The following WWOX variants were observed in gnomAD, a reference collection of about 807,000 sequenced individuals.
WWOX encodes WW domain-containing oxidoreductase.
A neutral mutation model predicts 46.2 loss-of-function variants in WWOX; 69 were observed. The observed-to-expected ratio is 1.49, with a 90% confidence interval of 1.23 to 1.82. The LOEUF (loss-of-function observed/expected upper bound fraction) is 1.82, where lower values mean the gene tolerates loss of function less well. Among genes scored for constraint, WWOX ranks in the 40% most tolerant of loss-of-function variants. The pLI, the probability that WWOX is intolerant of heterozygous loss-of-function variation, is 0.00. For missense variants in WWOX, 919 were observed against 542.6 expected (o/e 1.69, Z -6.89); for synonymous variants, 359 against 202.6 (o/e 1.77, Z -6.56).
intron 8 of WWOX, among the ~76,000 whole-genome samples, chr16:79,090,840 C>G (rs2048944973): frequency 1.3e-5 from 2 of 152,166 alleles, no homozygotes; most frequent in Admixed American, 6.5e-5. Context: ...TTTGAGACAT[C>G]TGGAGTGCAG....
intron 8 of WWOX, among the ~76,000 whole-genome samples, chr16:79,105,764 G>A (rs528118278): frequency 6.6e-6 from 1 of 151,886 alleles, no homozygotes; most frequent in Admixed American, 6.6e-5. Context: ...CTGGATGCCA[G>A]CAATCCTCCC....
intron 5 of WWOX, among the ~76,000 whole-genome samples, chr16:78,218,927 G>A (rs1404433388): frequency 2.6e-5 from 4 of 152,218 alleles, no homozygotes; most frequent in Admixed American, 6.5e-5. Flanking sequence ...TGGATTTATC[G>A]TTGCAATTAG....
chr16:78,356,177 A>C (rs145865833), intron 5 of WWOX, among the ~76,000 whole-genome samples: 3,115 of 149,822 alleles, frequency 0.021, 93 homozygotes, highest in African/African-American at 0.066. Flanking sequence ...ACAGAGCGAG[A>C]CTCTGTCTCA....
At chr16:79,179,065 G>A (rs1249491603) in intron 8 of WWOX, among the ~76,000 whole-genome samples, 1 of 152,154 alleles carries the variant, frequency 6.6e-6, no homozygotes, top group East Asian at 1.9e-4. Flanking sequence ...TGAGCCTGGA[G>A]GTCAAGAGTT....
intron 5 of WWOX, among the ~76,000 whole-genome samples, chr16:78,364,622 C>G (rs905191990): frequency 1.8e-4 from 27 of 148,174 alleles, no homozygotes; most frequent in African/African-American, 6.8e-4. Context: ...TTTGTCGTGA[C>G]TGCAGCTGAC....
rs571066730 is a variant in WWOX at position 78,734,927 on chromosome 16, G to C, written c.1056+302175G>C. ...GTTGGCTAGGCTGGAGTGCAGTGAC[G>C]CAATCTCAGCTCACTACAACCTCAG... is the stretch of plus-strand genomic sequence containing the variant. On this transcript the variant is annotated intron_variant, in intron 8 of 8. Transcript: ENST00000566780. Among the ~76,000 whole-genome samples the C allele has an allele frequency of 3.3e-5, 4 of 122,288 alleles. No homozygotes were observed. In the South Asian group the frequency reaches 8.8e-4, roughly 27 times the overall value. The allele number at this position is 122,288 out of a possible 152,430, so 80.2% of individuals were successfully genotyped here.
Position 78,894,041 on chromosome 16 carries a change from A to ATTATTATTG in WWOX, c.1057-317559_1057-317558insGTTATTATT, listed in dbSNP as rs1555561436. On this transcript the variant is annotated intron_variant, in intron 8 of 8. Coordinates refer to ENST00000566780, the MANE Select transcript of WWOX (RefSeq NM_016373.4). ...GGCTTTTATTATTATTATTATTATT[A>ATTATTATTG]TTATTATTATATTTTGAGACAGGGT... 3.7e-3 allele frequency among the ~76,000 whole-genome samples: 549 copies of ATTATTATTG among 146,814 alleles called. 6 individuals carry two copies. Among genetic ancestry groups the ATTATTATTG allele is most frequent in the Non-Finnish European group, 5.2e-3 (351 of 66,940 alleles).
At chr16:78,146,535 C>G (rs759608555) in intron 4 of WWOX, among the ~76,000 whole-genome samples, 4 of 152,114 alleles carry the variant, frequency 2.6e-5, no homozygotes. Context: ...CTGATCACAG[C>G]TGATGGTTAG....
rs12596183 is a variant in WWOX, at chr16:78,337,862, C to A, written c.517-48998C>A. Among the ~76,000 whole-genome samples, 3 of 116,148 alleles carry A rather than the reference C, an allele frequency of 2.6e-5. No individual in the cohort carries two copies. The South Asian group carries it at 7.8e-4, about 30-fold the overall frequency. The allele number at this position is 116,148 out of a possible 152,430, so 76.2% of individuals were successfully genotyped here. A position where few individuals can be genotyped will look rare whatever the true frequency, so the allele number is the denominator to read the frequency against. ...ATGAAGAAGTGGAGAGCCGTGTGACCTCAGTGGTAGAGCTGATGTAGAAGC... is the reference window on the plus strand; with the variant it reads ...ATGAAGAAGTGGAGAGCCGTGTGACATCAGTGGTAGAGCTGATGTAGAAGC... On this transcript the variant is annotated intron_variant, in intron 5 of 8. Transcript: ENST00000566780.
chr16:78,390,029 G>C (rs2082146826), intron 6 of WWOX, among the ~76,000 whole-genome samples: 1 of 152,226 alleles, frequency 6.6e-6, no homozygotes, highest in Non-Finnish European at 1.5e-5. Flanking sequence ...TTACAGGCGT[G>C]AGCCACCCTG....
chr16:79,210,672 T>A (rs1451342051), intron 8 of WWOX, among the ~76,000 whole-genome samples: 2 of 152,194 alleles, frequency 1.3e-5, no homozygotes, highest in Non-Finnish European at 2.9e-5. Context: ...ATTAGAGACG[T>A]GCCGACCATG....
chr16:79,075,437 T>C (rs1597350873), intron 8 of WWOX, among the ~76,000 whole-genome samples: 1 of 152,360 alleles, frequency 6.6e-6, no homozygotes, highest in Middle Eastern at 3.4e-3. Context: ...TAAGTTTTTA[T>C]TTACAATATA....
At chr16:79,086,744 A>G (rs1019331079) in intron 8 of WWOX, among the ~76,000 whole-genome samples, 1 of 152,162 alleles carries the variant, frequency 6.6e-6, no homozygotes, top group African/African-American at 2.4e-5. Context: ...TTAGCCAGGC[A>G]TGGTGCTGCA....
At chr16:78,371,745 G>A (rs1255920295) in intron 5 of WWOX, among the ~76,000 whole-genome samples, 1 of 151,622 alleles carries the variant, frequency 6.6e-6, no homozygotes, top group East Asian at 1.9e-4. Context: ...GTTAATATTT[G>A]CTATACTAGC....
At chr16:78,598,531 G>C (rs75488020) in intron 8 of WWOX, among the ~76,000 whole-genome samples, 1 of 152,192 alleles carries the variant, frequency 6.6e-6, no homozygotes, top group African/African-American at 2.4e-5. Flanking sequence ...CGAGAGCTTA[G>C]TTGGGGGAGA....
At position 79,117,471 on chromosome 16, in the gene WWOX, A is replaced by G. The variant is rs978366805; in HGVS notation, c.1057-94137A>G. Among the ~76,000 whole-genome samples, 7 of 152,206 alleles carry G rather than the reference A, an allele frequency of 4.6e-5. No homozygotes were observed. The East Asian group carries it at 1.4e-3, about 29-fold the overall frequency. On this transcript the variant is annotated intron_variant, in intron 8 of 8. Coordinates refer to ENST00000566780, the MANE Select transcript of WWOX (RefSeq NM_016373.4). ...GAGAGTAGGTTTAGCATAATTCTTA[A>G]GGACCCTAGGATTTTGGGAATGGTA...
intron 8 of WWOX, among the ~76,000 whole-genome samples, chr16:78,457,214 C>G (rs1302069000): frequency 6.6e-6 from 1 of 152,182 alleles, no homozygotes; most frequent in Non-Finnish European, 1.5e-5. Context: ...TTCCTGGGAT[C>G]TCAGATAACA....
At chr16:78,958,127 T>C (rs186730016) in intron 8 of WWOX, among the ~76,000 whole-genome samples, 14 of 152,318 alleles carry the variant, frequency 9.2e-5, no homozygotes, top group African/African-American at 3.4e-4. Context: ...GTCCTATTGT[T>C]CCTTAACTTG....
At chr16:78,739,345 G>C (rs925503241) in intron 8 of WWOX, among the ~76,000 whole-genome samples, 1 of 152,160 alleles carries the variant, frequency 6.6e-6, no homozygotes, top group Non-Finnish European at 1.5e-5. Context: ...TCGCAGCAGA[G>C]GGCATTAGGA....
Sources: gnomAD v4.1 joint callset for allele counts (sites outside exome capture counted in the v4.1 genomes callset) on GRCh38, gnomAD v4.1.1 for gene constraint, MANE v1.5 for transcripts, NCBI Gene and HGNC (gene_info 2026-07-23, HGNC 2026-07-21) for gene names.